MYZAP: variants seen among roughly 807,000 people sequenced by gnomAD.
MYZAP encodes myocardial zonula adherens protein.
MYZAP carries 66 observed loss-of-function variants against 69.4 expected under a neutral mutation model. The observed-to-expected ratio is 0.95, with a 90% confidence interval of 0.78 to 1.17. MYZAP has a LOEUF of 1.17. Among genes scored for constraint, MYZAP ranks in the 50% most tolerant of loss-of-function variants. The pLI, the probability that MYZAP is intolerant of heterozygous loss-of-function variation, is 0.00. For synonymous variants in MYZAP, 256 were observed against 205.9 expected (o/e 1.24, Z -2.09); for missense variants, 611 against 556.2 (o/e 1.10, Z -0.99).
rs2036562278 is a variant in MYZAP, at chr15:57,632,447, A to G, written c.692A>G (p.Gln231Arg). 2 of 1,614,156 alleles carry G rather than the reference A, an allele frequency of 1.2e-6. No homozygotes were observed. Among genetic ancestry groups the G allele is most frequent in the Non-Finnish European group, 1.7e-6 (2 of 1,180,016 alleles). The change falls in exon 7 of 13, where the codon CAA (glutamine) becomes CGA (arginine). Residue 231 changes from glutamine to arginine, a missense_variant. Coordinates refer to ENST00000267853, the MANE Select transcript of MYZAP (RefSeq NM_001018100.5). ...GTCTCGTTGTAGGTGGAATCGTCCC[A>G]AGAAGCCAATGCTGAGGTGATGCGA... is the stretch of plus-strand genomic sequence containing the variant. ...QLLKMKVESSQEANAEVMREM... is the reference protein window; with the variant it reads ...QLLKMKVESSREANAEVMREM...
intron 10 of MYZAP, among the ~76,000 whole-genome samples, chr15:57,648,939 G>A (rs751008497): frequency 1.0e-4 from 15 of 149,132 alleles, no homozygotes; most frequent in Non-Finnish European, 1.8e-4. Flanking sequence ...ATTTTACTGT[G>A]TATATATATA....
intron 12 of MYZAP, among the ~76,000 whole-genome samples, chr15:57,681,554 T>A (rs1225186893): frequency 1.3e-5 from 2 of 152,112 alleles, no homozygotes; most frequent in Admixed American, 1.3e-4. Flanking sequence ...GAGGCCGAGT[T>A]GGGCGGATCA....
chr15:57,603,844 A>G (rs1281350385), intron 1 of MYZAP, among the ~76,000 whole-genome samples: 1 of 152,236 alleles, frequency 6.6e-6, no homozygotes, highest in Non-Finnish European at 1.5e-5. Context: ...ATGTACATGT[A>G]TATTGTAGAA....
At chr15:57,596,888 C>T (rs1403295749) in intron 1 of MYZAP, among the ~76,000 whole-genome samples, 1 of 152,280 alleles carries the variant, frequency 6.6e-6, no homozygotes, top group East Asian at 1.9e-4. Context: ...CTCGTGTTCC[C>T]CTAGAGGCCT....
At chr15:57,681,795 AG>A (rs1176236859) in intron 12 of MYZAP, among the ~76,000 whole-genome samples, 4 of 152,042 alleles carry the variant, frequency 2.6e-5, no homozygotes, top group South Asian at 2.1e-4. Context: ...AAAAAAAAAA[AG>A]CTATGGAGGT....
chr15:57,629,596 A>G (rs1381185755), intron 5 of MYZAP, 106 bp from the exon 6 acceptor site: 3 of 1,447,734 alleles, frequency 2.1e-6, no homozygotes, highest in South Asian at 2.8e-5. Flanking sequence ...GTAGCCTAGG[A>G]CAGCTACCCC....
chr15:57,606,634 C>T (rs570701980), intron 2 of MYZAP, among the ~76,000 whole-genome samples: 8 of 151,414 alleles, frequency 5.3e-5, no homozygotes, highest in Non-Finnish European at 1.2e-4. Context: ...TGCTAAATGA[C>T]GAATTAATGG....
intron 5 of MYZAP, among the ~76,000 whole-genome samples, chr15:57,626,904 C>T (rs1272036676): frequency 2.0e-5 from 3 of 152,214 alleles, no homozygotes; most frequent in African/African-American, 7.2e-5. Flanking sequence ...TTCTGAGTCC[C>T]ACCCTTTTCC....
chr15:57,640,656 G>C lies in MYZAP; in HGVS notation c.1119+1111G>C, dbSNP rs954049168. On this transcript the variant is annotated intron_variant, in intron 10 of 12. Coordinates refer to ENST00000267853, the MANE Select transcript of MYZAP (RefSeq NM_001018100.5). ...GGGATATTAATGTTGGGGAGTTAAG[G>C]TCAGAGAATTGTGAGTATGGGAAGG... 4.5e-4 allele frequency among the ~76,000 whole-genome samples: 68 copies of C among 152,150 alleles called. 2 individuals carry two copies. Among genetic ancestry groups the C allele is most frequent in the Non-Finnish European group, 1.5e-4 (10 of 68,036 alleles).
At chr15:57,615,013 C>T (rs1012476473) in intron 2 of MYZAP, among the ~76,000 whole-genome samples, 1 of 152,188 alleles carries the variant, frequency 6.6e-6, no homozygotes, top group Non-Finnish European at 1.5e-5. Flanking sequence ...CCTTGGGCTG[C>T]CTCAGGAGTC....
chr15:57,681,305 G>T (rs1436669175), intron 12 of MYZAP, among the ~76,000 whole-genome samples: 1 of 152,176 alleles, frequency 6.6e-6, no homozygotes, highest in Non-Finnish European at 1.5e-5. Flanking sequence ...GGTGACACTG[G>T]GACCACTTAC....
At chr15:57,662,437 G>C (rs1277449549) in intron 11 of MYZAP, among the ~76,000 whole-genome samples, 5 of 152,160 alleles carry the variant, frequency 3.3e-5, no homozygotes, top group Admixed American at 2.0e-4. Flanking sequence ...GATATGTTCT[G>C]TGTAACACAG....
chr15:57,604,410 C>A, intron 2 of MYZAP, 55 bp downstream of exon 2: 1 of 1,594,246 alleles, frequency 6.3e-7, no homozygotes, highest in Admixed American at 1.7e-5. Flanking sequence ...TACCCTTAAC[C>A]CACTCTCCCA....
intron 10 of MYZAP, chr15:57,646,537 A>G (rs1381876434): frequency 2.0e-6 from 2 of 1,018,696 alleles, no homozygotes; most frequent in African/African-American, 3.4e-5. Context: ...GGCTTGGAAG[A>G]TGAATCCTTA....
chr15:57,655,003 A>C (rs2037939602), intron 10 of MYZAP, among the ~76,000 whole-genome samples: 1 of 152,188 alleles, frequency 6.6e-6, no homozygotes, highest in African/African-American at 2.4e-5. Flanking sequence ...TGATGCACTA[A>C]ACACTTGTTC....
rs1255929566 is a variant in MYZAP at position 57,674,165 on chromosome 15, G to A, written c.1204-803G>A. On this transcript the variant is annotated intron_variant, in intron 11 of 12. Transcript: ENST00000267853. The stretch of plus-strand genomic sequence containing the variant: ...TTTTTTTTTGGCATTTTTGCCCTTC[G>A]GATTTCAGGCACCAGCACTTCGTCT... Among the ~76,000 whole-genome samples the A allele has an allele frequency of 2.6e-5, 4 of 151,870 alleles. No individual in the cohort carries two copies. The East Asian group carries it at 5.8e-4, about 22-fold the overall frequency.
At chr15:57,664,285 A>G (rs1253602226) in intron 11 of MYZAP, among the ~76,000 whole-genome samples, 1 of 152,130 alleles carries the variant, frequency 6.6e-6, no homozygotes, top group African/African-American at 2.4e-5. Context: ...TTCCAAGGTG[A>G]TTCAAACACA....
chr15:57,666,418 G>A (rs1213769693), intron 11 of MYZAP, among the ~76,000 whole-genome samples: 1 of 152,032 alleles, frequency 6.6e-6, no homozygotes, highest in African/African-American at 2.4e-5. Flanking sequence ...CAGAGAATAT[G>A]GATTATTTTA....
Position 57,593,214 on chromosome 15 carries a change from A to ACACACACACACACACACCCC in MYZAP, c.75+1106_75+1107insACACACACACACACACCCCC, listed in dbSNP as rs1172761785. Among the ~76,000 whole-genome samples, 829 of 141,392 alleles carry ACACACACACACACACACCCC rather than the reference A, an allele frequency of 5.9e-3. 16 individuals are homozygous for ACACACACACACACACACCCC. The highest frequency in any genetic ancestry group is 0.021 in the African/African-American group (768 of 35,828). 92.8% of individuals were successfully genotyped at this position (141,392 alleles called of 152,430 possible). A position where few individuals can be genotyped will look rare whatever the true frequency, so the allele number is the denominator to read the frequency against. ...CACACACACACACACACACACACAC[A>ACACACACACACACACACCCC]CCCCAGAATCCATCAGTTGGCTCAT... On this transcript the variant is annotated intron_variant, in intron 1 of 12. Transcript: ENST00000267853.
Sources: gnomAD v4.1 joint callset for allele counts (sites outside exome capture counted in the v4.1 genomes callset) on GRCh38, gnomAD v4.1.1 for gene constraint, MANE v1.5 for transcripts, NCBI Gene and HGNC (gene_info 2026-07-23, HGNC 2026-07-21) for gene names.